Variants in ANXA10 observed in about 807,000 individuals in gnomAD.
ANXA10 encodes the protein annexin A10, also known as annexin 14.
In ANXA10, 49 loss-of-function variants were observed where a neutral mutation model predicts 53.5. That is an observed-to-expected ratio of 0.92 (90% confidence interval 0.73 to 1.16). The LOEUF (loss-of-function observed/expected upper bound fraction) is 1.16, where lower values mean the gene tolerates loss of function less well. Ranked by LOEUF, ANXA10 falls within the 50% of genes most tolerant of loss-of-function variation. The pLI is 0.00. For synonymous variants in ANXA10, 131 were observed against 128.9 expected, an observed-to-expected ratio of 1.02 and a Z score of -0.11; for missense variants, 393 against 394.4, an observed-to-expected ratio of 1.00 and a Z score of 0.03.
intron 1 of ANXA10, among the ~76,000 whole-genome samples, chr4:168,093,406 C>T (rs1217245820): frequency 2.0e-5 from 3 of 152,074 alleles, no homozygotes; most frequent in Non-Finnish European, 4.4e-5. Context: ...CCAACATGAA[C>T]ATTAAGTTGT....
intron 1 of ANXA10, among the ~76,000 whole-genome samples, chr4:168,118,240 T>C (rs929874083): frequency 9.9e-5 from 15 of 152,154 alleles, no homozygotes; most frequent in African/African-American, 3.6e-4. Context: ...CTAATTAGCA[T>C]GGGACAGCAA....
intron 6 of ANXA10, among the ~76,000 whole-genome samples, chr4:168,171,726 TA>T (rs1447375845): frequency 1.3e-5 from 2 of 152,230 alleles, no homozygotes; most frequent in Non-Finnish European, 2.9e-5. Flanking sequence ...TGCCAATTAT[TA>T]AACTGGCTCA....
chr4:168,128,123 A>G lies in ANXA10; in HGVS notation c.58A>G (p.Ile20Val), dbSNP rs746827848. The change falls in exon 2 of 12, where the codon ATA becomes GTA. Residue 20 changes from isoleucine to valine, a missense_variant. Physicochemically the swap from Ile to Val is conservative, Grantham distance 29 (BLOSUM62 3). Coordinates refer to ENST00000359299, the MANE Select transcript of ANXA10 (RefSeq NM_007193.5). ...CTTCCCAGCTCCCAATTTCAATCCC[A>G]TAATGGATGCCCAAATGCTAGGAGG... ...TIFPAPNFNPIMDAQMLGGAL... is the reference protein window; with the variant it reads ...TIFPAPNFNPVMDAQMLGGAL... 8 of 1,613,498 alleles carry G rather than the reference A, an allele frequency of 5.0e-6. No individual in the cohort carries two copies. Among genetic ancestry groups the G allele is most frequent in the East Asian group, 2.2e-5 (1 of 44,872 alleles).
intron 3 of ANXA10, among the ~76,000 whole-genome samples, chr4:168,144,019 T>C (rs1011746533): frequency 9.2e-5 from 14 of 152,258 alleles, no homozygotes; most frequent in Admixed American, 3.9e-4. Context: ...CCAAGCCCTA[T>C]GCTAGAGCTC....
intron 3 of ANXA10, among the ~76,000 whole-genome samples, chr4:168,148,310 G>A (rs1222668091): frequency 1.3e-5 from 2 of 151,950 alleles, no homozygotes; most frequent in Non-Finnish European, 2.9e-5. Context: ...GGGATTACAG[G>A]TGCCCACCAC....
chr4:168,143,105 C>T (rs1731351635), intron 3 of ANXA10, among the ~76,000 whole-genome samples: 1 of 152,008 alleles, frequency 6.6e-6, no homozygotes, highest in South Asian at 2.1e-4. Flanking sequence ...GAATCTACAC[C>T]AATTGCCTAG....
rs1328090784 is a variant in ANXA10 at position 168,165,305 on chromosome 4, T to C, written c.459T>C (p.Asp153=). The part of the protein sequence containing the change: ...IYSETSGHFR[D]TLMNLVQGTR... ...CAGAGACCTCAGGACACTTCAGAGA[T>C]ACTCTCATGAACTTGGTCCAGGTAT... Residue 153 remains aspartate (D), a synonymous_variant, in exon 6 of 12, where the codon GAT becomes GAC. Coordinates refer to ENST00000359299, the MANE Select transcript of ANXA10 (RefSeq NM_007193.5). 1.3e-6 allele frequency: 2 copies of C among 1,586,560 alleles called. No homozygotes were observed. Among genetic ancestry groups the C allele is most frequent in the Non-Finnish European group, 8.6e-7 (1 of 1,163,556 alleles).
Position 168,139,654 on chromosome 4 carries a change from T to A in ANXA10, c.195+74T>A, listed in dbSNP as rs1032037548. On this transcript the variant is annotated intron_variant, in intron 3 of 11. Coordinates refer to ENST00000359299, the MANE Select transcript of ANXA10 (RefSeq NM_007193.5). ...TAACCACACTCACGGATAATAGGTATTTTTTTTTTCAATCTCACAGATTGC... is the reference window on the plus strand; with the variant it reads ...TAACCACACTCACGGATAATAGGTAATTTTTTTTTCAATCTCACAGATTGC... 4.4e-6 allele frequency: 4 copies of A among 912,422 alleles called. No individual in the cohort carries two copies. The East Asian group carries it at 9.1e-5, about 21-fold the overall frequency. 56.5% of individuals were successfully genotyped at this position (912,422 alleles called of 1,614,324 possible). A position where few individuals can be genotyped will look rare whatever the true frequency, so the allele number is the denominator to read the frequency against.
chr4:168,112,179 C>A (rs1055591893), intron 1 of ANXA10, among the ~76,000 whole-genome samples: 2 of 152,012 alleles, frequency 1.3e-5, no homozygotes, highest in African/African-American at 4.8e-5. Context: ...ACTTGTAGTC[C>A]CGGCTACTCA....
intron 3 of ANXA10, among the ~76,000 whole-genome samples, chr4:168,146,489 C>A (rs1731408583): frequency 6.6e-6 from 1 of 152,180 alleles, no homozygotes. Context: ...GCAAGTCAAC[C>A]TTTGACAAAA....
chr4:168,156,067 A>ATT (rs1438794469), intron 3 of ANXA10, among the ~76,000 whole-genome samples: 136 of 60,908 alleles, frequency 2.2e-3, no homozygotes, highest in Non-Finnish European at 2.9e-3. Flanking sequence ...TATATATCAT[A>ATT]TATTATATAT....
chr4:168,152,211 T>C (rs1306039317), intron 3 of ANXA10, among the ~76,000 whole-genome samples: 1 of 152,070 alleles, frequency 6.6e-6, no homozygotes, highest in Non-Finnish European at 1.5e-5. Context: ...TGGGGTGTAA[T>C]TTTAAACAGG....
chr4:168,187,347 A>C lies in ANXA10; in HGVS notation c.907-19A>C. On this transcript the variant is annotated intron_variant, in intron 11 of 11. Coordinates refer to ENST00000359299, the MANE Select transcript of ANXA10 (RefSeq NM_007193.5). ...TATTATGATATTTTATTTCAAATAT[A>C]TTATATTTTTCTTTTCAGAATTTTG... The C allele has an allele frequency of 6.6e-7, 1 of 1,504,550 alleles. No individual in the cohort carries two copies. Among genetic ancestry groups the C allele is most frequent in the Non-Finnish European group, 9.1e-7 (1 of 1,097,450 alleles). 93.2% of individuals were successfully genotyped at this position (1,504,550 alleles called of 1,614,324 possible).
chr4:168,135,604 A>T (rs746479726), intron 2 of ANXA10, among the ~76,000 whole-genome samples: 2 of 152,280 alleles, frequency 1.3e-5, no homozygotes, highest in Non-Finnish European at 2.9e-5. Context: ...CACTAAACCA[A>T]TCTATTAGCT....
At chr4:168,141,451 C>A (rs746633567) in intron 3 of ANXA10, among the ~76,000 whole-genome samples, 43 of 152,326 alleles carry the variant, frequency 2.8e-4, no homozygotes, top group Middle Eastern at 3.4e-3. Context: ...CAGTCTATCC[C>A]CAAACCGTAG....
intron 6 of ANXA10, among the ~76,000 whole-genome samples, chr4:168,167,440 G>A (rs1261797279): frequency 1.3e-5 from 2 of 152,102 alleles, no homozygotes; most frequent in African/African-American, 4.8e-5. Flanking sequence ...GTGTTCAATA[G>A]GTTAGGTGTA....
intron 3 of ANXA10, among the ~76,000 whole-genome samples, chr4:168,148,981 G>A (rs1197131377): frequency 6.6e-6 from 1 of 151,554 alleles, no homozygotes; most frequent in Non-Finnish European, 1.5e-5. Flanking sequence ...GTTTTTTCTG[G>A]CCCTTATCGA....
At chr4:168,179,623 A>G (rs1732201248) in intron 9 of ANXA10, among the ~76,000 whole-genome samples, 1 of 152,164 alleles carries the variant, frequency 6.6e-6, no homozygotes, top group Non-Finnish European at 1.5e-5. Flanking sequence ...TGTTCAATCC[A>G]TTTTATCTTT....
intron 6 of ANXA10, among the ~76,000 whole-genome samples, chr4:168,173,692 C>T (rs1206655489): frequency 2.0e-5 from 3 of 152,086 alleles, no homozygotes; most frequent in African/African-American, 7.2e-5. Context: ...AACCTTCACA[C>T]CAAAGACAGT....
Sources: gnomAD v4.1 joint callset for allele counts (sites outside exome capture counted in the v4.1 genomes callset) on GRCh38, gnomAD v4.1.1 for gene constraint, MANE v1.5 for transcripts, NCBI Gene and HGNC (gene_info 2026-07-23, HGNC 2026-07-21) for gene names.